Variants in MLANA observed in about 807,000 individuals in gnomAD.
MLANA encodes the protein melanoma antigen recognized by T-cells 1.
Under a neutral mutation model 15.7 loss-of-function variants are expected in MLANA, and 21 were observed. The observed-to-expected ratio is 1.33, with a 90% CI of 0.95 to 1.92. MLANA has a LOEUF of 1.92. MLANA is among the 40% of genes most tolerant of loss of function. The pLI, the probability that MLANA is intolerant of heterozygous loss-of-function variation, is 0.00. For missense variants in MLANA, 164 were observed against 143.8 expected, an observed-to-expected ratio of 1.14 and a Z score of -0.72; for synonymous variants, 56 against 51.5, an observed-to-expected ratio of 1.09 and a Z score of -0.37.
intron 1 of MLANA, 75 bp downstream of exon 1, chr9:5,891,011 C>T (rs1365903776): frequency 6.6e-6 from 1 of 152,166 alleles, no homozygotes; most frequent in Non-Finnish European, 1.5e-5. Context: ...CTGGCTAAGT[C>T]CTCTGCCTAC....
chr9:5,906,186 TAA>T (rs34203799), intron 3 of MLANA, among the ~76,000 whole-genome samples: 7 of 140,444 alleles, frequency 5.0e-5, no homozygotes, highest in Non-Finnish European at 4.7e-5. Context: ...TCATGTCTCT[TAA>T]AAAAAAAAAA....
At chr9:5,904,809 C>G (rs1165456831) in intron 3 of MLANA, among the ~76,000 whole-genome samples, 1 of 138,722 alleles carries the variant, frequency 7.2e-6, no homozygotes, top group African/African-American at 2.7e-5. Context: ...AGTCTCACTC[C>G]GTTGCCCAGG....
chr9:5,907,444 T>C (rs1832888144), intron 4 of MLANA, among the ~76,000 whole-genome samples: 2 of 152,224 alleles, frequency 1.3e-5, no homozygotes, highest in Non-Finnish European at 2.9e-5. Flanking sequence ...ATGGTGCTAT[T>C]GAACACTTAA....
At chr9:5,898,630 G>A (rs1167265762) in intron 3 of MLANA, among the ~76,000 whole-genome samples, 1 of 152,178 alleles carries the variant, frequency 6.6e-6, no homozygotes, top group Non-Finnish European at 1.5e-5. Flanking sequence ...AGGGGAAGGG[G>A]TTTGAGGTTC....
chr9:5,895,464 G>T (rs1166103494), intron 2 of MLANA, among the ~76,000 whole-genome samples: 3 of 151,758 alleles, frequency 2.0e-5, no homozygotes, highest in Non-Finnish European at 2.9e-5. Flanking sequence ...GCATCCCTAA[G>T]ATCTGAGAAT....
rs1179076180 is a variant in MLANA at position 5,892,374 on chromosome 9, T to A, written c.-25-76T>A. 3 of 1,008,980 alleles carry A rather than the reference T, an allele frequency of 3.0e-6. No individual in the cohort carries two copies. The African/African-American group carries it at 4.9e-5, about 17-fold the overall frequency. 62.5% of individuals were successfully genotyped at this position (1,008,980 alleles called of 1,614,324 possible). ...GATATTGGTCACCTAGTGAGGATGC[T>A]GTTGTGGGTCTTTATGAGATGATGA... On this transcript the variant is annotated intron_variant, in intron 1 of 4. Coordinates refer to ENST00000381477, the MANE Select transcript of MLANA (RefSeq NM_005511.2).
At chr9:5,908,546 A>T in intron 4 of MLANA, 94 bp from the exon 5 acceptor site, 4 of 1,093,740 alleles carry the variant, frequency 3.7e-6, no homozygotes, top group Non-Finnish European at 4.1e-6. Flanking sequence ...GTCCACAGGG[A>T]AAGTATAAAT....
chr9:5,906,831 A>G, intron 3 of MLANA, 54 bp from the exon 4 acceptor site: 1 of 1,196,918 alleles, frequency 8.4e-7, no homozygotes, highest in Non-Finnish European at 1.2e-6. Context: ...TCTTTTCTTT[A>G]ATGGATTCAG....
intron 4 of MLANA, among the ~76,000 whole-genome samples, chr9:5,907,555 T>C (rs1030015237): frequency 1.3e-5 from 2 of 152,236 alleles, no homozygotes; most frequent in African/African-American, 4.8e-5. Context: ...GATTTTTATA[T>C]TGATTCACCT....
chr9:5,898,572 G>A (rs1832198837), intron 3 of MLANA, among the ~76,000 whole-genome samples: 1 of 152,258 alleles, frequency 6.6e-6, no homozygotes, highest in East Asian at 1.9e-4. Flanking sequence ...AGCAGACTTG[G>A]GTACCTGGAT....
intron 3 of MLANA, among the ~76,000 whole-genome samples, chr9:5,900,188 A>G (rs193145886): frequency 5.5e-4 from 83 of 152,278 alleles, no homozygotes; most frequent in African/African-American, 1.8e-3. Context: ...CATTTAATTG[A>G]AAAATAACAG....
chr9:5,895,278 C>G (rs980873534), intron 2 of MLANA, among the ~76,000 whole-genome samples: 3 of 152,140 alleles, frequency 2.0e-5, no homozygotes, highest in African/African-American at 7.2e-5. Flanking sequence ...TAAGTAACTG[C>G]ACATGGCCAC....
chr9:5,899,300 G>A (rs1832259362), intron 3 of MLANA: 2 of 152,200 alleles, frequency 1.3e-5, no homozygotes, highest in Non-Finnish European at 2.9e-5. Context: ...ATTGAAGCTT[G>A]GCAAGCTGAT....
Position 5,894,960 on chromosome 9 carries a change from C to T in MLANA, c.77+2409C>T, listed in dbSNP as rs1475510805. Among the ~76,000 whole-genome samples, 1 of 152,206 alleles carries T rather than the reference C, an allele frequency of 6.6e-6. No homozygotes were observed. The highest frequency in any genetic ancestry group is 2.1e-4 in the South Asian group (1 of 4,830). ...CCCCTTGACTGAAGGCACAAGCTTTCTGTGTCTTGCAACCTGAATGACGTG... is the reference window on the plus strand; with the variant it reads ...CCCCTTGACTGAAGGCACAAGCTTTTTGTGTCTTGCAACCTGAATGACGTG... On this transcript the variant is annotated intron_variant, in intron 2 of 4. Transcript: ENST00000381477. The surrounding 1 kb of genome is among the most constrained non-coding windows in gnomAD (Gnocchi z 4.0).
At chr9:5,897,792 C>G (rs1360991955) in intron 3 of MLANA, 139 bp downstream of exon 3, 3 of 749,816 alleles carry the variant, frequency 4.0e-6, no homozygotes, top group African/African-American at 3.5e-5. Flanking sequence ...GCCTCTTTTG[C>G]TACATTGTAC....
intron 4 of MLANA, 42 bp from the exon 5 acceptor site, chr9:5,908,598 C>A (rs375775687): frequency 6.6e-7 from 1 of 1,517,602 alleles, no homozygotes; most frequent in Non-Finnish European, 9.2e-7. Flanking sequence ...GAAACACATA[C>A]ACTGTTGCCA....
In MLANA at chr9:5,902,184, T is replaced by C. The variant is rs576563538; in HGVS notation, c.174+4531T>C. The stretch of plus-strand genomic sequence containing the variant: ...GTTATTATTGATTCAATTTTTATAA[T>C]AGATATAAATCTCTTCAGATGGTCT... On this transcript the variant is annotated intron_variant, in intron 3 of 4. Coordinates refer to ENST00000381477, the MANE Select transcript of MLANA (RefSeq NM_005511.2). Among the ~76,000 whole-genome samples, 3 of 152,334 alleles carry C rather than the reference T, an allele frequency of 2.0e-5. No individual in the cohort carries two copies. In the East Asian group the frequency reaches 5.8e-4, roughly 29 times the overall value.
At chr9:5,901,755 C>T (rs1156781821) in intron 3 of MLANA, among the ~76,000 whole-genome samples, 1 of 152,108 alleles carries the variant, frequency 6.6e-6, no homozygotes, top group African/African-American at 2.4e-5. Flanking sequence ...CTCCTGAGCA[C>T]AAGCAATCCA....
At chr9:5,900,948 G>C (rs1305251509) in intron 3 of MLANA, among the ~76,000 whole-genome samples, 1 of 152,170 alleles carries the variant, frequency 6.6e-6, no homozygotes, top group African/African-American at 2.4e-5. Context: ...TGCATGGTCA[G>C]TGGTCACCTG....
Sources: gnomAD v4.1 joint callset for allele counts (sites outside exome capture counted in the v4.1 genomes callset) on GRCh38, gnomAD v4.1.1 for gene constraint, Gnocchi (gnomAD v3.1) non-coding constraint, MANE v1.5 for transcripts, NCBI Gene and HGNC (gene_info 2026-07-23, HGNC 2026-07-21) for gene names.